The following AUTS2 variants were observed in gnomAD, a reference collection of about 807,000 sequenced individuals.
AUTS2 encodes autism susceptibility gene 2 protein.
Under a neutral mutation model 112.4 loss-of-function variants are expected in AUTS2, and 17 were observed. The observed-to-expected ratio is 0.15, with a 90% CI of 0.10 to 0.23. The LOEUF is 0.23. Ranked by LOEUF, AUTS2 falls within the 10% of genes least tolerant of loss-of-function variation. The probability of loss-of-function intolerance (pLI) is 1.00; values close to 1 mark genes in which losing one functional copy is unlikely to be tolerated. For synonymous variants in AUTS2, 751 were observed against 702.7 expected (o/e 1.07, Z -1.09); for missense variants, 1,510 against 1,701.6 (o/e 0.89, Z 1.98).
At chr7:70,616,684 G>A (rs564284581) in intron 5 of AUTS2, among the ~76,000 whole-genome samples, 11 of 151,298 alleles carry the variant, frequency 7.3e-5, no homozygotes, top group East Asian at 1.9e-4. Flanking sequence ...AAAAATCAAC[G>A]TATCTTTAAA....
chr7:70,566,189 T>C (rs767311783), intron 5 of AUTS2, among the ~76,000 whole-genome samples: 5 of 152,252 alleles, frequency 3.3e-5, no homozygotes, highest in African/African-American at 7.2e-5. Flanking sequence ...CTTTGGCCAA[T>C]TGTCACCAGT....
At position 70,635,430 on chromosome 7, in the gene AUTS2, G is replaced by A. The variant is rs541678391; in HGVS notation, c.691-63139G>A. Among the ~76,000 whole-genome samples the A allele has an allele frequency of 1.4e-4, 22 of 152,266 alleles. No individual in the cohort carries two copies. The South Asian group carries it at 1.9e-3, about 13-fold the overall frequency. ...GATAGGTTAGCTCCTGCAAATCCTCGAGGCCATGGTGAGCAGCCAGCCCCT... is the reference window on the plus strand; with the variant it reads ...GATAGGTTAGCTCCTGCAAATCCTCAAGGCCATGGTGAGCAGCCAGCCCCT... On this transcript the variant is annotated intron_variant, in intron 5 of 18. Transcript: ENST00000342771.
chr7:70,766,061 A>C lies in AUTS2; in HGVS notation c.1469-53A>C. ...TACCCCTCCACAGGAAGGCAGTCCG[A>C]TGTCCTTTTCTGAAGGAAAAGGCGT... On this transcript the variant is annotated intron_variant, in intron 8 of 18. Coordinates refer to ENST00000342771, the MANE Select transcript of AUTS2 (RefSeq NM_015570.4). The surrounding 1 kb of genome is among the most constrained non-coding windows in gnomAD (Gnocchi z 4.8). The C allele has an allele frequency of 1.3e-6, 2 of 1,584,568 alleles. No homozygotes were observed. The highest frequency in any genetic ancestry group is 1.7e-6 in the Non-Finnish European group (2 of 1,161,988).
rs1491547711 is a variant in AUTS2 at position 70,163,345 on chromosome 7, G to GGC, written c.660+28775_660+28776insCG. Among the ~76,000 whole-genome samples, 22 of 29,146 alleles carry GGC rather than the reference G, an allele frequency of 7.5e-4. 1 individual carries two copies. The highest frequency in any genetic ancestry group is 1.6e-3 in the Non-Finnish European group (19 of 11,990). The allele number at this position is 29,146 out of a possible 152,430, so 19.1% of individuals were successfully genotyped here. On this transcript the variant is annotated intron_variant, in intron 4 of 18. Coordinates refer to ENST00000342771, the MANE Select transcript of AUTS2 (RefSeq NM_015570.4). ...AAGATGAGTGTTAGGTTGTGGTGGT[G>GGC]GGGGGGGGGGGGGCAGAGGGGGAGG...
intron 4 of AUTS2, among the ~76,000 whole-genome samples, chr7:70,226,463 C>T (rs1811771940): frequency 6.6e-6 from 1 of 151,384 alleles, no homozygotes; most frequent in South Asian, 2.1e-4. Context: ...CCTTGGCCTG[C>T]TGAAGTGCTG....
chr7:69,693,029 G>A (rs1797414395), intron 1 of AUTS2, among the ~76,000 whole-genome samples: 1 of 152,176 alleles, frequency 6.6e-6, no homozygotes, highest in Admixed American at 6.5e-5. Context: ...TATGGTAGAT[G>A]GAAATAATGA....
chr7:70,356,345 AAGTAGCCTC>A (rs1792007977), intron 4 of AUTS2, among the ~76,000 whole-genome samples: 1 of 140,306 alleles, frequency 7.1e-6, no homozygotes, highest in Non-Finnish European at 1.5e-5. Context: ...GTGTGAAGGG[AAGTAGCCTC>A]TAATTTCTTC....
At chr7:69,636,012 C>T (rs1161934287) in intron 1 of AUTS2, among the ~76,000 whole-genome samples, 1 of 152,226 alleles carries the variant, frequency 6.6e-6, no homozygotes, top group African/African-American at 2.4e-5. Context: ...GTAGCAGAGA[C>T]AGCCAAACAA....
intron 1 of AUTS2, among the ~76,000 whole-genome samples, chr7:69,898,349 T>A (rs73429430): frequency 0.01 from 1,550 of 152,256 alleles, 39 homozygotes; most frequent in African/African-American, 0.035. Context: ...TTTTATTGCT[T>A]AGTGTGTGCA....
intron 4 of AUTS2, among the ~76,000 whole-genome samples, chr7:70,308,308 T>A (rs1349926611): frequency 6.6e-6 from 1 of 152,158 alleles, no homozygotes; most frequent in African/African-American, 2.4e-5. Context: ...TCTTCTTAAT[T>A]TTCTGCCATC....
intron 1 of AUTS2, among the ~76,000 whole-genome samples, chr7:69,873,142 C>G (rs1420445099): frequency 6.6e-6 from 1 of 152,036 alleles, no homozygotes; most frequent in African/African-American, 2.4e-5. Flanking sequence ...CTCTTCTAAT[C>G]AAGTGGTTAT....
At chr7:69,764,270 T>A (rs577985513) in intron 1 of AUTS2, among the ~76,000 whole-genome samples, 13 of 152,302 alleles carry the variant, frequency 8.5e-5, no homozygotes, top group Non-Finnish European at 1.6e-4. Flanking sequence ...AGGAACATGA[T>A]TTATGTAACA....
At chr7:70,443,913 G>T (rs1796215202) in intron 5 of AUTS2, among the ~76,000 whole-genome samples, 1 of 152,332 alleles carries the variant, frequency 6.6e-6, no homozygotes, top group Admixed American at 6.5e-5. Flanking sequence ...TGTGTTTCAA[G>T]AACTCACTTG....
At chr7:69,982,025 TAAGGAC>T (rs990201704) in intron 2 of AUTS2, among the ~76,000 whole-genome samples, 3 of 152,208 alleles carry the variant, frequency 2.0e-5, no homozygotes, top group Non-Finnish European at 4.4e-5. Context: ...GTGAGTTTCT[TAAGGAC>T]AAGGACTCGT....
chr7:69,853,315 T>C (rs1466533761), intron 1 of AUTS2, among the ~76,000 whole-genome samples: 1 of 152,126 alleles, frequency 6.6e-6, no homozygotes, highest in Non-Finnish European at 1.5e-5. Flanking sequence ...CTCCATTTTT[T>C]TGCCACAAAT....
At chr7:69,764,859 T>A (rs1788352068) in intron 1 of AUTS2, among the ~76,000 whole-genome samples, 1 of 152,192 alleles carries the variant, frequency 6.6e-6, no homozygotes, top group Non-Finnish European at 1.5e-5. Flanking sequence ...ACTTGCTCAG[T>A]AAAGAAAAAG....
rs1789488107 is a variant in AUTS2, at chr7:70,760,277, T to C, written c.743-2593T>C. Among the ~76,000 whole-genome samples the C allele has an allele frequency of 2.0e-5, 3 of 152,212 alleles. No homozygotes were observed. In the South Asian group the frequency reaches 6.2e-4, roughly 31 times the overall value. On this transcript the variant is annotated intron_variant, in intron 6 of 18. Coordinates refer to ENST00000342771, the MANE Select transcript of AUTS2 (RefSeq NM_015570.4). ...GCCTTGGCCTCCCAAAGTGCTGGGA[T>C]TACAGGCGTGAGCCACCGCACCCGG...
chr7:69,650,327 C>T (rs1177350226), intron 1 of AUTS2, among the ~76,000 whole-genome samples: 4 of 152,134 alleles, frequency 2.6e-5, no homozygotes, highest in Admixed American at 2.6e-4. Flanking sequence ...GTTAAAGCAT[C>T]GTTACATTTT....
intron 10 of AUTS2, among the ~76,000 whole-genome samples, chr7:70,768,877 C>CTTTTTTT (rs66614263): frequency 0.22 from 23,260 of 106,580 alleles, 2,711 homozygotes; most frequent in East Asian, 0.51. Context: ...CCAGTGATTT[C>CTTTTTTT]TTTTTTTTTT....
Sources: gnomAD v4.1 joint callset for allele counts (sites outside exome capture counted in the v4.1 genomes callset) on GRCh38, gnomAD v4.1.1 for gene constraint, Gnocchi (gnomAD v3.1) non-coding constraint, MANE v1.5 for transcripts, NCBI Gene and HGNC (gene_info 2026-07-23, HGNC 2026-07-21) for gene names.